The following NEK1 variants were observed in gnomAD, a reference collection of about 807,000 sequenced individuals.
The protein encoded by NEK1 is serine/threonine-protein kinase Nek1.
A neutral mutation model predicts 182.1 loss-of-function variants in NEK1; 137 were observed. The ratio of observed to expected loss-of-function variants is 0.75; its 90% CI spans 0.65 to 0.87. NEK1 has a LOEUF of 0.87. Ranked by LOEUF, NEK1 falls within the 40% of genes least tolerant of loss-of-function variation. The pLI is 0.00. For synonymous variants in NEK1, 513 were observed against 492.2 expected, an observed-to-expected ratio of 1.04 and a Z score of -0.56; for missense variants, 1,391 against 1,494.4, an observed-to-expected ratio of 0.93 and a Z score of 1.14.
chr4:169,527,493 C>T (rs759431363), intron 19 of NEK1, among the ~76,000 whole-genome samples: 7 of 151,966 alleles, frequency 4.6e-5, no homozygotes, highest in African/African-American at 7.2e-5. Flanking sequence ...TGTCTGCTAA[C>T]GTAATACAAG....
intron 29 of NEK1, among the ~76,000 whole-genome samples, chr4:169,432,825 A>G (rs530828955): frequency 5.9e-5 from 9 of 151,944 alleles, no homozygotes; most frequent in East Asian, 1.9e-4. Context: ...CCAGGCTGGC[A>G]TGCAGTGGTG....
intron 35 of NEK1, among the ~76,000 whole-genome samples, chr4:169,395,242 C>T (rs1263026869): frequency 6.6e-6 from 1 of 152,134 alleles, no homozygotes; most frequent in East Asian, 1.9e-4. Flanking sequence ...CAAATCACTG[C>T]ACTGCTTAAA....
At chr4:169,524,254 C>T (rs139320817) in intron 19 of NEK1, among the ~76,000 whole-genome samples, 3 of 152,212 alleles carry the variant, frequency 2.0e-5, no homozygotes, top group Non-Finnish European at 4.4e-5. Flanking sequence ...CACTTGAGGT[C>T]AAGTGTTTGG....
At chr4:169,408,270 G>A (rs758132297) in intron 31 of NEK1, among the ~76,000 whole-genome samples, 4 of 152,132 alleles carry the variant, frequency 2.6e-5, no homozygotes, top group Non-Finnish European at 5.9e-5. Context: ...AAGTGGTCAT[G>A]TAATTTGACA....
rs1207144121 is a variant in NEK1 at position 169,464,904 on chromosome 4, T to C, written c.2435-1509A>G. Among the ~76,000 whole-genome samples the C allele has an allele frequency of 2.0e-5, 3 of 152,088 alleles. No homozygotes were observed. In the East Asian group the frequency reaches 5.8e-4, roughly 29 times the overall value. On this transcript the variant is annotated intron_variant, in intron 26 of 35. Coordinates refer to ENST00000507142, the MANE Select transcript of NEK1 (RefSeq NM_001199397.3). ...TGGGGTAAACCATTTTAATAACATT[T>C]ATCAAAGCAATATATAAAAATTATA...
At chr4:169,452,583 T>C (rs1742029103) in intron 27 of NEK1, among the ~76,000 whole-genome samples, 1 of 152,204 alleles carries the variant, frequency 6.6e-6, no homozygotes, top group Non-Finnish European at 1.5e-5. Context: ...TCTCAATAGA[T>C]GCAGAGAAGG....
intron 23 of NEK1, among the ~76,000 whole-genome samples, chr4:169,493,238 A>G (rs756934215): frequency 1.3e-5 from 2 of 152,178 alleles, no homozygotes; most frequent in Non-Finnish European, 2.9e-5. Flanking sequence ...AAAGAAGCCA[A>G]TCGAGCATAC....
At chr4:169,566,797 T>C (rs922324335) in intron 12 of NEK1, among the ~76,000 whole-genome samples, 6 of 151,770 alleles carry the variant, frequency 4.0e-5, no homozygotes, top group Non-Finnish European at 8.8e-5. Flanking sequence ...TTTAAAAAAA[T>C]GAGATAAAAA....
At chr4:169,542,101 A>T (rs1238954409) in intron 18 of NEK1, among the ~76,000 whole-genome samples, 3 of 152,126 alleles carry the variant, frequency 2.0e-5, no homozygotes, top group Admixed American at 6.6e-5. Context: ...TACACATGCC[A>T]TGGAGGTTTG....
chr4:169,499,589 GTTCT>G lies in NEK1; in HGVS notation c.2007+7444_2007+7447del, dbSNP rs201281182. ...ATACAGATGGGGTTTTGGTGTGGGT[GTTCT>G]TTCTGTTTGTTAGTTTTCCCCCCAA... On this transcript the variant is annotated intron_variant, in intron 23 of 35. Transcript: ENST00000507142. Among the ~76,000 whole-genome samples the G allele has an allele frequency of 7.4e-3, 1,123 of 152,234 alleles. 25 individuals carry two copies. The highest frequency in any genetic ancestry group is 0.026 in the African/African-American group (1,060 of 41,556).
chr4:169,573,695 A>G (rs1247924564), intron 12 of NEK1, among the ~76,000 whole-genome samples: 1 of 152,250 alleles, frequency 6.6e-6, no homozygotes, highest in Non-Finnish European at 1.5e-5. Flanking sequence ...TTTTGGAGGC[A>G]GACTCCTAAA....
intron 27 of NEK1, among the ~76,000 whole-genome samples, chr4:169,444,900 C>T (rs1473071062): frequency 6.6e-6 from 1 of 152,174 alleles, no homozygotes; most frequent in Non-Finnish European, 1.5e-5. Flanking sequence ...ATATCAAGTA[C>T]CTTCTCAGAC....
chr4:169,556,063 A>G lies in NEK1; in HGVS notation c.1299T>C (p.Ala433=), dbSNP rs544917094. The G allele has an allele frequency of 6.2e-7, 1 of 1,613,392 alleles. No individual in the cohort carries two copies. Among genetic ancestry groups the G allele is most frequent in the Admixed American group, 1.7e-5 (1 of 59,864 alleles). ...GTCCTCGAGAAGAAAAAGATGATGGAGCTATAGTCCCTCCACTGCCCAGAA... is the reference window on the plus strand; with the variant it reads ...GTCCTCGAGAAGAAAAAGATGATGGGGCTATAGTCCCTCCACTGCCCAGAA... The part of the protein sequence containing the change: ...APFLGSGGTI[A]PSSFSSRGQY... The change falls in exon 17 of 36, where the codon GCT becomes GCC. Residue 433 remains alanine (A), a synonymous_variant. Transcript: ENST00000507142.
rs55876791 is a variant in NEK1 at position 169,440,729 on chromosome 4, C to T, written c.2588-2470G>A. Among the ~76,000 whole-genome samples, 545 of 152,278 alleles carry T rather than the reference C, an allele frequency of 3.6e-3. 3 individuals are homozygous for T. Among genetic ancestry groups the T allele is most frequent in the South Asian group, 0.022 (104 of 4,824 alleles). On this transcript the variant is annotated intron_variant, in intron 27 of 35. Coordinates refer to ENST00000507142, the MANE Select transcript of NEK1 (RefSeq NM_001199397.3). ...ATGCAGGAAAATGGTAAGAGAGATC[C>T]CCAGTGCTCCATGTTCTCACCATGG... is the stretch of plus-strand genomic sequence containing the variant.
chr4:169,568,605 T>TGA (rs1764099939), intron 12 of NEK1, among the ~76,000 whole-genome samples: 1 of 152,132 alleles, frequency 6.6e-6, no homozygotes, highest in African/African-American at 2.4e-5. Flanking sequence ...ATAAACTTTC[T>TGA]GAGCTATATT....
At chr4:169,472,057 G>A (rs910415451) in intron 26 of NEK1, among the ~76,000 whole-genome samples, 4 of 152,106 alleles carry the variant, frequency 2.6e-5, no homozygotes, top group Admixed American at 6.5e-5. Flanking sequence ...CTCCGTGGGG[G>A]TGGGATCCGC....
intron 19 of NEK1, among the ~76,000 whole-genome samples, chr4:169,524,086 A>G (rs1756516579): frequency 1.3e-5 from 2 of 152,248 alleles, no homozygotes; most frequent in Admixed American, 1.3e-4. Flanking sequence ...GTACCAGGAT[A>G]TATCTACAAC....
intron 18 of NEK1, among the ~76,000 whole-genome samples, chr4:169,542,068 A>C (rs1179538234): frequency 6.6e-6 from 1 of 152,178 alleles, no homozygotes; most frequent in Non-Finnish European, 1.5e-5. Context: ...GTACATGTGC[A>C]AAAAGTGCAG....
chr4:169,552,592 T>C (rs1265933054), intron 18 of NEK1, among the ~76,000 whole-genome samples: 1 of 152,052 alleles, frequency 6.6e-6, no homozygotes, highest in Admixed American at 6.6e-5. Context: ...TTCTAGCTAA[T>C]GCAATAAGAC....
Sources: gnomAD v4.1 joint callset for allele counts (sites outside exome capture counted in the v4.1 genomes callset) on GRCh38, gnomAD v4.1.1 for gene constraint, MANE v1.5 for transcripts, NCBI Gene and HGNC (gene_info 2026-07-23, HGNC 2026-07-21) for gene names.